The following ADAM17 variants were observed in gnomAD, a reference collection of about 807,000 sequenced individuals.
The protein encoded by ADAM17 is disintegrin and metalloproteinase domain-containing protein 17.
ADAM17 carries 39 observed loss-of-function variants against 96.7 expected under a neutral mutation model. The ratio of observed to expected loss-of-function variants is 0.40; its 90% CI spans 0.31 to 0.53. The LOEUF (loss-of-function observed/expected upper bound fraction) is 0.53. Ranked by LOEUF, ADAM17 falls within the 20% of genes least tolerant of loss-of-function variation. The pLI is 0.44. For missense variants in ADAM17, 777 were observed against 1,013.2 expected (o/e 0.77, Z 3.17); for synonymous variants, 344 against 359.2 (o/e 0.96, Z 0.48).
chr2:9,522,382 G>C (rs1415810471), intron 7 of ADAM17: 4 of 563,026 alleles, frequency 7.1e-6, no homozygotes, highest in Non-Finnish European at 9.9e-6. Flanking sequence ...ACAGGCTGCA[G>C]AGACTTACTT....
At chr2:9,493,343 A>C (rs537672178) in intron 16 of ADAM17, among the ~76,000 whole-genome samples, 1 of 152,340 alleles carries the variant, frequency 6.6e-6, no homozygotes, top group South Asian at 2.1e-4. Flanking sequence ...GACTCGTGAC[A>C]ACATGATATA....
chr2:9,534,679 GTATAAC>G (rs1365191590), intron 4 of ADAM17, among the ~76,000 whole-genome samples: 2 of 151,968 alleles, frequency 1.3e-5, no homozygotes, highest in Non-Finnish European at 2.9e-5. Context: ...AAAATAGTGG[GTATAAC>G]TATATTTATT....
rs578189296 is a variant in ADAM17 at position 9,555,564 on chromosome 2, G to A, written c.42C>T (p.Phe14=). 1.2e-6 allele frequency: 2 copies of A among 1,602,124 alleles called. No homozygotes were observed. The highest frequency in any genetic ancestry group is 1.7e-6 in the Non-Finnish European group (2 of 1,174,302). ...SLLFLTSVVP[F]VLAPRPPDDP... ...CATCCGGAGGTCGCGGCGCCAGCAC[G>A]AAAGGAACCACGCTGGTCAGGAATA... The change falls in exon 1 of 19, where the codon TTC becomes TTT. Residue 14 remains phenylalanine (F), a synonymous_variant. Transcript: ENST00000310823.
At chr2:9,527,599 CAG>C in intron 5 of ADAM17, 185 bp downstream of exon 5, 2 of 382,110 alleles carry the variant, frequency 5.2e-6, no homozygotes, top group East Asian at 8.0e-5. Context: ...CATTATTTTC[CAG>C]AGTTTTCAAC....
Position 9,555,824 on chromosome 2 carries a change from C to G in ADAM17, c.-219G>C. ...AAGGCCGGCTCAGCCAGCTTCCGGCCGCCGCTGTCCCCCGCACCACCCACA... is the reference window on the plus strand; with the variant it reads ...AAGGCCGGCTCAGCCAGCTTCCGGCGGCCGCTGTCCCCCGCACCACCCACA... On this transcript the variant is annotated 5_prime_UTR_variant, in exon 1 of 19. Coordinates refer to ENST00000310823, the MANE Select transcript of ADAM17 (RefSeq NM_003183.6). 2.3e-6 allele frequency: 1 copy of G among 429,460 alleles called. No homozygotes were observed. Among genetic ancestry groups the G allele is most frequent in the Non-Finnish European group, 4.1e-6 (1 of 243,090 alleles). The allele number at this position is 429,460 out of a possible 1,614,324, so 26.6% of individuals were successfully genotyped here. A position where few individuals can be genotyped will look rare whatever the true frequency, so the allele number is the denominator to read the frequency against.
At chr2:9,491,017 C>T (rs1450172324) in intron 18 of ADAM17, 84 bp downstream of exon 18, 1 of 1,257,786 alleles carries the variant, frequency 8.0e-7, no homozygotes, top group Non-Finnish European at 1.1e-6. Flanking sequence ...CCAGTGAAAG[C>T]TCTTGCTGGG....
chr2:9,518,863 T>C (rs530146938), intron 8 of ADAM17, among the ~76,000 whole-genome samples: 1 of 149,150 alleles, frequency 6.7e-6, no homozygotes, highest in Admixed American at 6.7e-5. Context: ...ACCATAACCG[T>C]CCAGCGTCTC....
At chr2:9,535,783 T>C in intron 4 of ADAM17, 51 bp downstream of exon 4, 1 of 1,253,780 alleles carries the variant, frequency 8.0e-7, no homozygotes, top group African/African-American at 1.5e-5. Flanking sequence ...GAGCAGCTTT[T>C]TGAAAATCAG....
chr2:9,548,471 C>T (rs1263402176), intron 1 of ADAM17, among the ~76,000 whole-genome samples: 3 of 150,478 alleles, frequency 2.0e-5, no homozygotes, highest in South Asian at 2.1e-4. Flanking sequence ...TAGGTTGTGG[C>T]TCACTGTGAT....
Position 9,490,427 on chromosome 2 carries a change from G to A in ADAM17, c.2225C>T (p.Ala742Val). The change falls in exon 19 of 19, where the codon GCC becomes GTC. Residue 742 changes from alanine (A) to valine (V), a missense_variant. Physicochemically the swap from Ala to Val is moderately conservative, Grantham distance 64. This residue lies in a region of ADAM17 where 197 missense variants were observed against 219.4 expected (regional missense o/e 0.90). Coordinates refer to ENST00000310823, the MANE Select transcript of ADAM17 (RefSeq NM_003183.6). The stretch of plus-strand genomic sequence containing the variant: ...TGCTGGCGCCGAAGGGATCACAGGG[G>A]CAGGCTGCAGGCGGCCTGGAGTCTG... ...APQTPGRLQP[A>V]PVIPSAPAAP... The A allele has an allele frequency of 6.2e-7, 1 of 1,614,222 alleles. No individual in the cohort carries two copies. Among genetic ancestry groups the A allele is most frequent in the Non-Finnish European group, 8.5e-7 (1 of 1,180,040 alleles).
At chr2:9,504,381 A>G (rs1572902733) in intron 12 of ADAM17, among the ~76,000 whole-genome samples, 1 of 151,640 alleles carries the variant, frequency 6.6e-6, no homozygotes, top group Non-Finnish European at 1.5e-5. Flanking sequence ...GGAGGCGGAG[A>G]TTGCAGTGCG....
intron 5 of ADAM17, 69 bp downstream of exon 5, chr2:9,527,717 C>A (rs1664583584): frequency 9.2e-7 from 1 of 1,086,922 alleles, no homozygotes; most frequent in Non-Finnish European, 1.2e-6. Flanking sequence ...TAACAAATAA[C>A]AACCACCCCT....
chr2:9,549,640 G>C (rs1665521694), intron 1 of ADAM17, among the ~76,000 whole-genome samples: 1 of 151,786 alleles, frequency 6.6e-6, no homozygotes, highest in Non-Finnish European at 1.5e-5. Context: ...CAATCCTCCG[G>C]GTGGCTGGGA....
chr2:9,517,634 T>A (rs889413527), intron 10 of ADAM17, among the ~76,000 whole-genome samples: 2 of 152,140 alleles, frequency 1.3e-5, no homozygotes, highest in African/African-American at 4.8e-5. Context: ...CTCTAAGAGT[T>A]GCTGCAGGTC....
chr2:9,539,812 C>T (rs1490611448), intron 2 of ADAM17, among the ~76,000 whole-genome samples: 1 of 152,122 alleles, frequency 6.6e-6, no homozygotes, highest in East Asian at 1.9e-4. Flanking sequence ...TACTCACTGT[C>T]CGACCTTGGC....
In ADAM17 at chr2:9,526,218, C is replaced by T; in HGVS notation, c.646G>A (p.Ala216Thr). ...EELVHRVKRR[A>T]DPDPMKNTCK... ...GTGTTCTTCATGGGATCTGGGTCAG[C>T]TCTTCTTTTCACTCGATGAACAAGC... is the stretch of plus-strand genomic sequence containing the variant. Residue 216 changes from alanine (A) to threonine (T), a missense_variant, in exon 6 of 19, where the codon GCT (alanine) becomes ACT (threonine). Physicochemically the swap from Ala to Thr is moderately conservative, Grantham distance 58 (BLOSUM62 0). This residue lies in a region of ADAM17 where 446 missense variants were observed against 664.7 expected (regional missense o/e 0.67). Coordinates refer to ENST00000310823, the MANE Select transcript of ADAM17 (RefSeq NM_003183.6). 1 of 1,613,828 alleles carries T rather than the reference C, an allele frequency of 6.2e-7. No homozygotes were observed. Among genetic ancestry groups the T allele is most frequent in the Non-Finnish European group, 8.5e-7 (1 of 1,179,898 alleles).
At chr2:9,520,384 T>C (rs1471307658) in intron 8 of ADAM17, among the ~76,000 whole-genome samples, 2 of 152,188 alleles carry the variant, frequency 1.3e-5, no homozygotes, top group Non-Finnish European at 2.9e-5. Flanking sequence ...AATGATTAAG[T>C]TAGCCATCTT....
At chr2:9,515,746 AAAAAAGAAAAAAG>A (rs1165029595) in intron 10 of ADAM17, among the ~76,000 whole-genome samples, 1 of 150,590 alleles carries the variant, frequency 6.6e-6, no homozygotes, top group Non-Finnish European at 1.5e-5. Flanking sequence ...AAAAAAAAAA[AAAAAAGAAAAAAG>A]AAAAAGAAAA....
At chr2:9,544,910 A>G (rs1005929134) in intron 1 of ADAM17, among the ~76,000 whole-genome samples, 4 of 152,214 alleles carry the variant, frequency 2.6e-5, no homozygotes, top group African/African-American at 9.6e-5. Flanking sequence ...AACCTTGCAC[A>G]TATCAGCACT....
Sources: allele counts gnomAD v4.1 joint callset (sites outside exome capture counted in the v4.1 genomes callset), GRCh38; gene constraint gnomAD v4.1.1; regional missense constraint gnomAD v4.1.1; transcripts MANE v1.5; gene names NCBI Gene and HGNC (gene_info 2026-07-23, HGNC 2026-07-21).